Variants in SCAI observed in about 807,000 individuals in gnomAD.
The protein encoded by SCAI is protein SCAI.
In SCAI, 24 loss-of-function variants were observed where a neutral mutation model predicts 92.2. That is an observed-to-expected ratio of 0.26 (90% CI 0.19 to 0.37). The LOEUF is 0.37. Ranked by LOEUF, SCAI falls within the 10% of genes least tolerant of loss-of-function variation. The pLI, the probability that SCAI is intolerant of heterozygous loss-of-function variation, is 1.00. For missense variants in SCAI, 450 were observed against 736.2 expected (o/e 0.61, Z 4.50); for synonymous variants, 261 against 258.6 (o/e 1.01, Z -0.09).
intron 2 of SCAI, among the ~76,000 whole-genome samples, chr9:125,125,691 G>A (rs367858115): frequency 6.6e-6 from 1 of 151,028 alleles, no homozygotes; most frequent in Non-Finnish European, 1.5e-5. Context: ...AATCAGCCAC[G>A]CATGGTGGCA....
intron 17 of SCAI, among the ~76,000 whole-genome samples, chr9:124,964,609 C>A (rs1393646294): frequency 6.6e-6 from 1 of 152,144 alleles, no homozygotes; most frequent in Non-Finnish European, 1.5e-5. Context: ...CCTTAGGACC[C>A]CCCATCTAGA....
Position 125,027,276 on chromosome 9 carries a change from T to C in SCAI, c.414-366A>G, listed in dbSNP as rs981997821. 3.3e-5 allele frequency among the ~76,000 whole-genome samples: 5 copies of C among 152,228 alleles called. No individual in the cohort carries two copies. In the East Asian group the frequency reaches 7.7e-4, roughly 24 times the overall value. Reference sequence around the variant, plus strand: ...CTTTGGCCCATTTCTTTAATTTCTGTCCTCACAGAACTGAGGAATGCACTA... The same window carrying C: ...CTTTGGCCCATTTCTTTAATTTCTGCCCTCACAGAACTGAGGAATGCACTA... On this transcript the variant is annotated intron_variant, in intron 5 of 17. Coordinates refer to ENST00000336505, the MANE Select transcript of SCAI (RefSeq NM_001144877.3).
At chr9:125,020,852 A>G in intron 6 of SCAI, 83 bp from the exon 7 acceptor site, 1 of 595,756 alleles carries the variant, frequency 1.7e-6, no homozygotes, top group East Asian at 3.2e-5. Context: ...AGCTTTTAAA[A>G]CTCTTTCCCT....
chr9:125,138,565 C>T (rs1835594521), intron 2 of SCAI, among the ~76,000 whole-genome samples: 1 of 152,142 alleles, frequency 6.6e-6, no homozygotes, highest in South Asian at 2.1e-4. Flanking sequence ...CAGGCACCTG[C>T]CACCACGTCC....
chr9:125,122,434 C>CA (rs1232606751), intron 2 of SCAI, among the ~76,000 whole-genome samples: 1 of 150,466 alleles, frequency 6.6e-6, no homozygotes, highest in Admixed American at 6.6e-5. Flanking sequence ...ACTAAAAATA[C>CA]AAAAAGTATC....
chr9:124,960,529 G>A, intron 17 of SCAI, among the ~76,000 whole-genome samples: 1 of 152,212 alleles, frequency 6.6e-6, no homozygotes, highest in Non-Finnish European at 1.5e-5. Context: ...CAACTGGAAT[G>A]AATCTCAAGC....
intron 17 of SCAI, among the ~76,000 whole-genome samples, chr9:124,958,290 A>C (rs1831361104): frequency 6.6e-6 from 1 of 152,202 alleles, no homozygotes; most frequent in Non-Finnish European, 1.5e-5. Flanking sequence ...CTTTTGGGGA[A>C]GGGGACTCTC....
chr9:125,087,395 C>G (rs1049715492), intron 2 of SCAI, among the ~76,000 whole-genome samples: 24 of 152,148 alleles, frequency 1.6e-4, no homozygotes, highest in Admixed American at 1.6e-3. Flanking sequence ...AGCTCACCAC[C>G]AGTTAAGAAA....
At chr9:125,003,366 A>G (rs762743465) in intron 10 of SCAI, 103 bp downstream of exon 10, 14 of 1,018,056 alleles carry the variant, frequency 1.4e-5, no homozygotes, top group Non-Finnish European at 2.0e-5. Context: ...CATCAAGTGA[A>G]TTCTTTATTC....
chr9:125,035,336 C>G (rs143403611), intron 3 of SCAI, among the ~76,000 whole-genome samples: 4 of 152,002 alleles, frequency 2.6e-5, no homozygotes, highest in African/African-American at 9.6e-5. Flanking sequence ...GCCTGGGCAA[C>G]AGAGTGAGAC....
chr9:124,984,008 T>C (rs918918488), intron 14 of SCAI, among the ~76,000 whole-genome samples: 2 of 152,230 alleles, frequency 1.3e-5, no homozygotes, highest in African/African-American at 4.8e-5. Flanking sequence ...TTAACTGTTA[T>C]GATTATTAAG....
intron 17 of SCAI, 105 bp from the exon 18 acceptor site, chr9:124,953,058 T>C (rs751178458): frequency 2.3e-6 from 2 of 883,802 alleles, no homozygotes; most frequent in East Asian, 5.2e-5. Flanking sequence ...ACTTTTATAC[T>C]GGAATGATTC....
intron 17 of SCAI, among the ~76,000 whole-genome samples, chr9:124,969,858 A>ATT (rs879834515): frequency 6.7e-6 from 1 of 148,938 alleles, no homozygotes; most frequent in Non-Finnish European, 1.5e-5. Context: ...CAGTAACATC[A>ATT]TTTTTTTTTT....
chr9:124,969,612 C>G (rs1267630392), intron 17 of SCAI, among the ~76,000 whole-genome samples: 1 of 152,136 alleles, frequency 6.6e-6, no homozygotes, highest in Non-Finnish European at 1.5e-5. Flanking sequence ...AGCAGATTCA[C>G]AAAAGCTATA....
intron 2 of SCAI, among the ~76,000 whole-genome samples, chr9:125,110,716 T>C (rs1283428962): frequency 1.3e-5 from 2 of 152,212 alleles, no homozygotes; most frequent in African/African-American, 4.8e-5. Flanking sequence ...CTGTGCTTCC[T>C]GTTCTGCCTG....
In SCAI at chr9:124,942,633, T is replaced by C. The variant is rs1308312849; in HGVS notation, c.*10174A>G. 6.6e-6 allele frequency: 1 copy of C among 152,248 alleles called. No individual in the cohort carries two copies. Among genetic ancestry groups the C allele is most frequent in the African/African-American group, 2.4e-5 (1 of 41,456 alleles). 9.4% of individuals were successfully genotyped at this position (152,248 alleles called of 1,614,324 possible). A position where few individuals can be genotyped will look rare whatever the true frequency, so the allele number is the denominator to read the frequency against. On this transcript the variant is annotated 3_prime_UTR_variant, in exon 18 of 18. Transcript: ENST00000336505. ...TTTAAGCAAATAATGTTTATTTTTATATTGATGATACACTTAATATATATG... is the reference window on the plus strand; with the variant it reads ...TTTAAGCAAATAATGTTTATTTTTACATTGATGATACACTTAATATATATG...
intron 3 of SCAI, 66 bp downstream of exon 3, chr9:125,055,810 A>C: frequency 1.4e-6 from 2 of 1,402,076 alleles, no homozygotes; most frequent in Non-Finnish European, 1.9e-6. Context: ...AACTTACCAC[A>C]CATCAGCCAG....
chr9:125,093,233 C>T (rs886476569), intron 2 of SCAI, among the ~76,000 whole-genome samples: 6 of 152,044 alleles, frequency 3.9e-5, no homozygotes, highest in African/African-American at 7.2e-5. Context: ...TGGTGGTGCA[C>T]GCCTGTAATC....
At chr9:125,076,461 T>A (rs2131172604) in intron 2 of SCAI, among the ~76,000 whole-genome samples, 1 of 152,066 alleles carries the variant, frequency 6.6e-6, no homozygotes, top group South Asian at 2.1e-4. Flanking sequence ...ATTGCACCAC[T>A]GTACTCCAGC....
Sources: allele counts gnomAD v4.1 joint callset (sites outside exome capture counted in the v4.1 genomes callset), GRCh38; gene constraint gnomAD v4.1.1; transcripts MANE v1.5; gene names NCBI Gene and HGNC (gene_info 2026-07-23, HGNC 2026-07-21).